NPAS3: variants seen among roughly 807,000 people sequenced by gnomAD.
NPAS3 encodes neuronal PAS domain-containing protein 3.
A neutral mutation model predicts 73.1 loss-of-function variants in NPAS3; 14 were observed. That is an observed-to-expected ratio of 0.19 (90% CI 0.13 to 0.30). NPAS3 has a LOEUF of 0.30. Among genes scored for constraint, NPAS3 ranks in the 10% least tolerant of loss-of-function variants. The probability of loss-of-function intolerance (pLI) is 1.00; values close to 1 mark genes in which losing one functional copy is unlikely to be tolerated. For missense variants in NPAS3, 1,096 were observed against 1,250.0 expected (o/e 0.88, Z 1.86); for synonymous variants, 620 against 541.5 (o/e 1.14, Z -2.01).
At chr14:33,407,466 G>A (rs1237330433) in intron 4 of NPAS3, among the ~76,000 whole-genome samples, 1 of 152,036 alleles carries the variant, frequency 6.6e-6, no homozygotes, top group African/African-American at 2.4e-5. Context: ...TTCTGCTGCA[G>A]TTTTAGGTAA....
At chr14:33,158,744 AG>A (rs1668189775) in intron 2 of NPAS3, among the ~76,000 whole-genome samples, 1 of 152,172 alleles carries the variant, frequency 6.6e-6, no homozygotes, top group Admixed American at 6.6e-5. Context: ...TGCTTTAAAG[AG>A]GGGCCCTGTT....
At chr14:32,938,523 G>GAGAGAGAGAGAGAGAGA (rs1343015828), upstream of NPAS3, among the ~76,000 whole-genome samples, 2 of 116,390 alleles carry the variant, frequency 1.7e-5, no homozygotes, top group African/African-American at 7.3e-5. Context: ...GAGAGAGAGA[G>GAGAGAGAGAGAGAGAGA]AAGGGGGGGG....
chr14:33,674,205 A>G (rs1210168392), intron 5 of NPAS3, among the ~76,000 whole-genome samples: 2 of 152,152 alleles, frequency 1.3e-5, no homozygotes, highest in Non-Finnish European at 2.9e-5. Flanking sequence ...GGCTTACATG[A>G]ACATTCAATA....
chr14:33,407,273 A>G (rs2047708822), intron 4 of NPAS3, among the ~76,000 whole-genome samples: 2 of 152,130 alleles, frequency 1.3e-5, no homozygotes, highest in Admixed American at 6.6e-5. Flanking sequence ...TCTTGACTGT[A>G]CAACACATAT....
In NPAS3 at chr14:33,108,195, A is replaced by ATTT. The variant is rs11373741; in HGVS notation, c.140+52215_140+52217dup. On this transcript the variant is annotated intron_variant, in intron 2 of 11. Coordinates refer to ENST00000356141, the Ensembl canonical transcript of NPAS3. ...TATTAGCCATCTATTTATTGTTCTG[A>ATTT]TTTTTTTTTTTTTTTTGAGATGGAA... is the stretch of plus-strand genomic sequence containing the variant. Among the ~76,000 whole-genome samples, 71 of 140,408 alleles carry ATTT rather than the reference A, an allele frequency of 5.1e-4. 1 individual carries two copies. In the East Asian group the frequency reaches 6.1e-3, roughly 12 times the overall value. 92.1% of individuals were successfully genotyped at this position (140,408 alleles called of 152,430 possible).
intron 4 of NPAS3, among the ~76,000 whole-genome samples, chr14:33,476,674 G>A (rs1350059642): frequency 6.6e-6 from 1 of 152,124 alleles, no homozygotes; most frequent in Non-Finnish European, 1.5e-5. Context: ...TATAAAATGT[G>A]GGGAATGAGC....
chr14:33,499,922 C>A (rs571213426), intron 4 of NPAS3, among the ~76,000 whole-genome samples: 1 of 151,902 alleles, frequency 6.6e-6, no homozygotes, highest in African/African-American at 2.4e-5. Context: ...TTCTCCTCTG[C>A]GCAACTCCAG....
chr14:33,453,791 T>C (rs372209251), intron 4 of NPAS3, among the ~76,000 whole-genome samples: 3 of 152,350 alleles, frequency 2.0e-5, no homozygotes, highest in African/African-American at 7.2e-5. Flanking sequence ...ACAGAGAAAT[T>C]CCTCCTCAAT....
At chr14:33,208,565 C>G (rs2046915713) in intron 2 of NPAS3, among the ~76,000 whole-genome samples, 1 of 152,100 alleles carries the variant, frequency 6.6e-6, no homozygotes, top group Non-Finnish European at 1.5e-5. Context: ...AAGTATACAT[C>G]TTGATGTTGA....
intron 2 of NPAS3, among the ~76,000 whole-genome samples, chr14:33,066,015 T>C (rs769608154): frequency 6.6e-6 from 1 of 152,164 alleles, no homozygotes; most frequent in Non-Finnish European, 1.5e-5. Context: ...TCCTGTGTGC[T>C]TGAGGCACCA....
chr14:33,386,757 AT>A (rs1345595100), intron 4 of NPAS3, among the ~76,000 whole-genome samples: 1 of 152,198 alleles, frequency 6.6e-6, no homozygotes, highest in East Asian at 1.9e-4. Context: ...AGCTTTAAAC[AT>A]TGTTACGGAA....
At chr14:33,100,077 A>G (rs528084260) in intron 2 of NPAS3, among the ~76,000 whole-genome samples, 16 of 152,314 alleles carry the variant, frequency 1.1e-4, no homozygotes, top group African/African-American at 3.6e-4. Flanking sequence ...AAATTATAGA[A>G]CTGGTTTAAG....
chr14:33,594,272 T>TTTGTTG (rs372935827), intron 5 of NPAS3, among the ~76,000 whole-genome samples: 39 of 152,014 alleles, frequency 2.6e-4, no homozygotes, highest in African/African-American at 5.5e-4. Context: ...GCTATTATTG[T>TTTGTTG]TTGTTGTTGT....
At chr14:32,943,898 C>T (rs1161212189) in intron 1 of NPAS3, among the ~76,000 whole-genome samples, 3 of 152,050 alleles carry the variant, frequency 2.0e-5, no homozygotes, top group African/African-American at 7.2e-5. Flanking sequence ...CCATGTTGGC[C>T]AGGCTGGTCT....
intron 7 of NPAS3, among the ~76,000 whole-genome samples, chr14:33,773,167 G>A (rs1025135718): frequency 2.0e-5 from 3 of 152,210 alleles, no homozygotes; most frequent in Non-Finnish European, 2.9e-5. Context: ...GTTCCTGGGA[G>A]GCACGAGACC....
intron 9 of NPAS3, among the ~76,000 whole-genome samples, chr14:33,792,572 AC>A (rs1220682197): frequency 2.4e-5 from 2 of 81,704 alleles, no homozygotes; most frequent in Non-Finnish European, 4.8e-5. Flanking sequence ...ACACCCATCC[AC>A]CCCCCTCCAA....
At chr14:33,716,427 CAT>C (rs1226292067) in intron 6 of NPAS3, among the ~76,000 whole-genome samples, 1 of 152,066 alleles carries the variant, frequency 6.6e-6, no homozygotes, top group Non-Finnish European at 1.5e-5. Flanking sequence ...ATTAGTATGT[CAT>C]GTTTCATTAG....
chr14:33,541,742 G>C (rs1261549514), intron 4 of NPAS3, among the ~76,000 whole-genome samples: 1 of 152,108 alleles, frequency 6.6e-6, no homozygotes, highest in Non-Finnish European at 1.5e-5. Flanking sequence ...TCTCTTGCTT[G>C]GTCCATAAGA....
intron 5 of NPAS3, among the ~76,000 whole-genome samples, chr14:33,588,224 T>G (rs35740751): frequency 0.096 from 14,545 of 152,202 alleles, 942 homozygotes; most frequent in East Asian, 0.23. Context: ...CTCTAAAATG[T>G]CTCCTTCTTT....
Sources: gnomAD v4.1 joint callset for allele counts (sites outside exome capture counted in the v4.1 genomes callset) on GRCh38, gnomAD v4.1.1 for gene constraint, MANE v1.5 for transcripts, NCBI Gene and HGNC (gene_info 2026-07-23, HGNC 2026-07-21) for gene names.